LEKR1: variants seen among roughly 807,000 people sequenced by gnomAD.
LEKR1 encodes protein LEKR1.
In LEKR1, 59 loss-of-function variants were observed where a neutral mutation model predicts 72.4. That is an observed-to-expected ratio of 0.82 (90% CI 0.66 to 1.01). The LOEUF (loss-of-function observed/expected upper bound fraction) is 1.01. LEKR1 is among the 50% of genes least tolerant of loss of function. The probability of loss-of-function intolerance (pLI) is 0.00; values close to 1 mark genes in which losing one functional copy is unlikely to be tolerated. For synonymous variants in LEKR1, 257 were observed against 263.2 expected, an observed-to-expected ratio of 0.98 and a Z score of 0.23; for missense variants, 728 against 759.2, an observed-to-expected ratio of 0.96 and a Z score of 0.48.
chr3:157,034,698 G>A (rs1905208), intron 12 of LEKR1, among the ~76,000 whole-genome samples: 111,798 of 152,172 alleles, frequency 0.73, 41,531 homozygotes, highest in East Asian at 0.93. Flanking sequence ...TCCAATTTTG[G>A]CAGAAGTTCT....
chr3:156,937,807 A>G (rs1725853948), intron 5 of LEKR1, among the ~76,000 whole-genome samples: 1 of 152,222 alleles, frequency 6.6e-6, no homozygotes, highest in South Asian at 2.1e-4. Flanking sequence ...TCCTATGTCC[A>G]TATCATGTAA....
intron 6 of LEKR1, among the ~76,000 whole-genome samples, chr3:156,943,417 T>C (rs868766979): frequency 1.3e-4 from 20 of 152,044 alleles, no homozygotes; most frequent in African/African-American, 4.8e-4. Context: ...CTAGACACTT[T>C]ATGTGAATTA....
intron 7 of LEKR1, among the ~76,000 whole-genome samples, chr3:156,981,041 A>T (rs1033670767): frequency 2.6e-5 from 4 of 152,192 alleles, no homozygotes; most frequent in African/African-American, 9.7e-5. Flanking sequence ...ATATGCAAAT[A>T]CTTACCATTG....
intron 5 of LEKR1, among the ~76,000 whole-genome samples, chr3:156,933,571 T>C (rs2108577859): frequency 6.6e-6 from 1 of 152,320 alleles, no homozygotes; most frequent in Admixed American, 6.5e-5. Context: ...CATTTTTGAG[T>C]GTCTTGTCAC....
chr3:156,876,008 A>G (rs1007352009), intron 3 of LEKR1, among the ~76,000 whole-genome samples: 2 of 151,606 alleles, frequency 1.3e-5, no homozygotes, highest in Non-Finnish European at 2.9e-5. Flanking sequence ...AAAAAAAAAA[A>G]AAAAAAAAGA....
At chr3:157,010,705 T>C (rs527260121) in intron 9 of LEKR1, among the ~76,000 whole-genome samples, 2 of 152,186 alleles carry the variant, frequency 1.3e-5, no homozygotes, top group East Asian at 3.9e-4. Context: ...CTACTGTTGA[T>C]TTTTTATCTT....
At chr3:156,836,274 C>A (rs999753793) in intron 2 of LEKR1, among the ~76,000 whole-genome samples, 4 of 152,104 alleles carry the variant, frequency 2.6e-5, no homozygotes, top group African/African-American at 9.7e-5. Context: ...TGTTTACTTA[C>A]AATTTTGTGG....
intron 7 of LEKR1, among the ~76,000 whole-genome samples, chr3:156,980,951 G>C (rs991799192): frequency 6.6e-6 from 1 of 152,178 alleles, no homozygotes; most frequent in African/African-American, 2.4e-5. Flanking sequence ...GTCAGTGACA[G>C]ACCATGTATA....
At chr3:156,866,604 ATG>A (rs1191978798) in intron 3 of LEKR1, among the ~76,000 whole-genome samples, 5 of 152,052 alleles carry the variant, frequency 3.3e-5, no homozygotes, top group Admixed American at 2.6e-4. Flanking sequence ...TTTCTGTTAT[ATG>A]TAGCCAAATG....
chr3:156,881,191 G>A (rs1719290758), intron 3 of LEKR1, among the ~76,000 whole-genome samples: 1 of 152,150 alleles, frequency 6.6e-6, no homozygotes, highest in African/African-American at 2.4e-5. Flanking sequence ...ATTCAATTAG[G>A]AAAAGAGGAA....
chr3:156,880,699 AAAG>A (rs1021418763), intron 3 of LEKR1, among the ~76,000 whole-genome samples: 5 of 152,240 alleles, frequency 3.3e-5, no homozygotes, highest in Non-Finnish European at 1.5e-5. Flanking sequence ...CACAACCAAA[AAAG>A]AGAATTTTAG....
At chr3:156,875,577 G>C (rs1718456625) in intron 3 of LEKR1, among the ~76,000 whole-genome samples, 2 of 151,976 alleles carry the variant, frequency 1.3e-5, no homozygotes, top group Admixed American at 6.6e-5. Flanking sequence ...TTGCTTTTGG[G>C]TTCTTGGTCA....
intron 9 of LEKR1, among the ~76,000 whole-genome samples, chr3:157,003,450 A>G (rs1274544413): frequency 6.6e-6 from 1 of 152,196 alleles, no homozygotes; most frequent in Non-Finnish European, 1.5e-5. Context: ...AGAAGTTCAA[A>G]TGAATCTTAA....
chr3:156,954,948 G>A lies in LEKR1; in HGVS notation c.745+12234G>A, dbSNP rs558982354. ...TTGAATCTATAAATTACTTTGGGCA[G>A]TATGGCCATTTAAATAATGTTGATT... On this transcript the variant is annotated intron_variant, in intron 6 of 12. Transcript: ENST00000356539. Among the ~76,000 whole-genome samples, 3 of 152,154 alleles carry A rather than the reference G, an allele frequency of 2.0e-5. No individual in the cohort carries two copies. The South Asian group carries it at 6.2e-4, about 32-fold the overall frequency.
intron 6 of LEKR1, 146 bp downstream of exon 6, chr3:156,942,860 A>ATAC: frequency 5.9e-6 from 2 of 336,374 alleles, no homozygotes; most frequent in Non-Finnish European, 1.1e-5. Flanking sequence ...CACTATGGTG[A>ATAC]TAACTGTGTC....
chr3:156,881,603 C>T (rs1342696634), intron 3 of LEKR1, among the ~76,000 whole-genome samples: 1 of 151,106 alleles, frequency 6.6e-6, no homozygotes, highest in African/African-American at 2.4e-5. Flanking sequence ...TCAATGCCAT[C>T]CCCATCAAGC....
At chr3:156,905,004 A>G (rs1463804960) in intron 3 of LEKR1, among the ~76,000 whole-genome samples, 1 of 152,152 alleles carries the variant, frequency 6.6e-6, no homozygotes, top group Non-Finnish European at 1.5e-5. Flanking sequence ...TAATTAAATG[A>G]GGTTAATTTA....
At chr3:156,907,776 G>C (rs536748095) in intron 3 of LEKR1, among the ~76,000 whole-genome samples, 1 of 152,020 alleles carries the variant, frequency 6.6e-6, no homozygotes, top group Non-Finnish European at 1.5e-5. Flanking sequence ...AATTAACATT[G>C]TTATAATACT....
intron 3 of LEKR1, among the ~76,000 whole-genome samples, chr3:156,887,210 T>A (rs1485486894): frequency 2.0e-5 from 3 of 152,204 alleles, no homozygotes; most frequent in Non-Finnish European, 4.4e-5. Context: ...ATTGTCCGTA[T>A]TTTTATGTTG....
Sources: allele counts gnomAD v4.1 joint callset (sites outside exome capture counted in the v4.1 genomes callset), GRCh38; gene constraint gnomAD v4.1.1; transcripts MANE v1.5; gene names NCBI Gene and HGNC (gene_info 2026-07-23, HGNC 2026-07-21).